NAALAD2: variants seen among roughly 807,000 people sequenced by gnomAD.
The protein encoded by NAALAD2 is N-acetylated-alpha-linked acidic dipeptidase 2.
NAALAD2 carries 89 observed loss-of-function variants against 95.6 expected under a neutral mutation model. That is an observed-to-expected ratio of 0.93 (90% CI 0.78 to 1.11). The LOEUF (loss-of-function observed/expected upper bound fraction) is 1.11, where lower values mean the gene tolerates loss of function less well. Ranked by LOEUF, NAALAD2 falls within the 50% of genes least tolerant of loss-of-function variation. The pLI, the probability that NAALAD2 is intolerant of heterozygous loss-of-function variation, is 0.00. For missense variants in NAALAD2, 894 were observed against 872.4 expected (o/e 1.02, Z -0.31); for synonymous variants, 264 against 294.4 (o/e 0.90, Z 1.06).
intron 16 of NAALAD2, 149 bp downstream of exon 16, chr11:90,178,266 C>A: frequency 1.2e-6 from 1 of 847,588 alleles, no homozygotes; most frequent in South Asian, 1.9e-5. Context: ...AAAACAAACA[C>A]CTATTAAAGA....
chr11:90,178,894 T>C (rs1004636087), intron 16 of NAALAD2, among the ~76,000 whole-genome samples: 1 of 152,230 alleles, frequency 6.6e-6, no homozygotes, highest in Non-Finnish European at 1.5e-5. Flanking sequence ...GTGGTTGCTC[T>C]TCTGCATTGT....
chr11:90,155,369 A>AT (rs1565522491), intron 6 of NAALAD2, among the ~76,000 whole-genome samples: 2,796 of 85,822 alleles, frequency 0.033, 42 homozygotes, highest in East Asian at 0.089. Context: ...TATAATATGT[A>AT]ATATTACATA....
intron 17 of NAALAD2, 30 bp from the exon 18 acceptor site, chr11:90,182,886 G>T (rs781136666): frequency 2.1e-6 from 3 of 1,454,362 alleles, no homozygotes; most frequent in African/African-American, 1.4e-5. Flanking sequence ...TGCGGTTTGC[G>T]TTATAATTAT....
chr11:90,162,065 C>T (rs927136305), intron 8 of NAALAD2, among the ~76,000 whole-genome samples: 3 of 151,990 alleles, frequency 2.0e-5, no homozygotes, highest in Non-Finnish European at 2.9e-5. Context: ...ATACAAGTTT[C>T]GGGGGCTTAT....
intron 3 of NAALAD2, 64 bp from the exon 4 acceptor site, chr11:90,148,942 A>T: frequency 1.9e-6 from 2 of 1,055,584 alleles, no homozygotes; most frequent in Non-Finnish European, 2.8e-6. Flanking sequence ...TTGGAGGCAA[A>T]ATGAATTATA....
At chr11:90,166,017 C>A (rs1952431663) in intron 11 of NAALAD2, among the ~76,000 whole-genome samples, 5 of 152,164 alleles carry the variant, frequency 3.3e-5, no homozygotes, top group Admixed American at 3.3e-4. Context: ...TTTAAATACA[C>A]ATAAGGAATC....
chr11:90,150,449 A>G, intron 4 of NAALAD2, 33 bp from the exon 5 acceptor site: 2 of 1,325,596 alleles, frequency 1.5e-6, no homozygotes, highest in South Asian at 1.6e-5. Flanking sequence ...CTTTAATTTT[A>G]GCAGTATTAT....
intron 16 of NAALAD2, among the ~76,000 whole-genome samples, chr11:90,179,956 T>C (rs968570753): frequency 1.3e-5 from 2 of 152,174 alleles, no homozygotes; most frequent in South Asian, 2.1e-4. Context: ...TTCAAAAACA[T>C]TTCTTCTGCC....
At chr11:90,148,229 C>A (rs562005231) in intron 3 of NAALAD2, among the ~76,000 whole-genome samples, 14 of 152,120 alleles carry the variant, frequency 9.2e-5, no homozygotes, top group African/African-American at 3.1e-4. Flanking sequence ...TGTCTTAAGA[C>A]AATAGTCCAG....
chr11:90,140,949 C>T (rs1242325219), intron 2 of NAALAD2, among the ~76,000 whole-genome samples: 1 of 152,122 alleles, frequency 6.6e-6, no homozygotes, highest in Non-Finnish European at 1.5e-5. Context: ...TGCTCTATCA[C>T]CATTTGTTAA....
intron 2 of NAALAD2, among the ~76,000 whole-genome samples, chr11:90,144,504 G>A (rs1369914486): frequency 1.3e-5 from 2 of 151,888 alleles, no homozygotes; most frequent in Admixed American, 6.6e-5. Context: ...ACTTTGGGAG[G>A]CCAAGGAGAG....
intron 6 of NAALAD2, among the ~76,000 whole-genome samples, chr11:90,155,283 TATGCATATATG>T (rs1187362305): frequency 1.8e-4 from 21 of 115,576 alleles, no homozygotes; most frequent in African/African-American, 6.6e-4. Context: ...ATATATTATA[TATGCATATATG>T]TATATATAAT....
chr11:90,185,911 G>C (rs573015043), intron 18 of NAALAD2, among the ~76,000 whole-genome samples: 9 of 147,076 alleles, frequency 6.1e-5, no homozygotes, highest in South Asian at 2.2e-4. Context: ...TCACAGAAAT[G>C]AGCAACTTGT....
chr11:90,138,725 CTTTTTTTTTTTTTTTTTTTTT>C (rs562496549), intron 2 of NAALAD2, among the ~76,000 whole-genome samples: 8 of 61,486 alleles, frequency 1.3e-4, no homozygotes, highest in African/African-American at 4.5e-4. Context: ...CATCCCTCAA[CTTTTTTTTTTTTTTTTTTTTT>C]TTTTTTTTTT....
rs202041024 is a variant in NAALAD2, at chr11:90,185,872, TTTA to T, written c.2033+2866_2033+2868del. On this transcript the variant is annotated intron_variant, in intron 18 of 18. Transcript: ENST00000534061. The stretch of plus-strand genomic sequence containing the variant: ...AAGGGTAAACACTTTTTTTTTTTTT[TTTA>T]TATACATTTAAAATTTTATTTGTTT... 5.1e-4 allele frequency among the ~76,000 whole-genome samples: 75 copies of T among 146,994 alleles called. 1 individual carries two copies. The highest frequency in any genetic ancestry group is 1.5e-3 in the East Asian group (7 of 4,774).
intron 5 of NAALAD2, among the ~76,000 whole-genome samples, chr11:90,151,219 A>G (rs1312178891): frequency 6.6e-6 from 1 of 152,124 alleles, no homozygotes; most frequent in Non-Finnish European, 1.5e-5. Flanking sequence ...AAGTTTCCTC[A>G]CATATAAAAT....
intron 8 of NAALAD2, among the ~76,000 whole-genome samples, chr11:90,160,860 A>C (rs1053103135): frequency 1.3e-5 from 2 of 152,216 alleles, no homozygotes; most frequent in Non-Finnish European, 2.9e-5. Context: ...AAAGTGGACA[A>C]ATAAACAACA....
At chr11:90,158,427 A>G in intron 7 of NAALAD2, 189 bp downstream of exon 7, 1 of 516,956 alleles carries the variant, frequency 1.9e-6, no homozygotes, top group Non-Finnish European at 3.4e-6. Flanking sequence ...CTAAGAAATC[A>G]AAATAAAATA....
At position 90,175,676 on chromosome 11, in the gene NAALAD2, A is replaced by G. The variant is rs571932469; in HGVS notation, c.1503-296A>G. On this transcript the variant is annotated intron_variant, in intron 14 of 18. Transcript: ENST00000534061. ...AAGATATGATGGAGAGCATCATCAC[A>G]AGATGCAGTCTTTGGTGGCACAGCC... 1.9e-4 allele frequency among the ~76,000 whole-genome samples: 29 copies of G among 152,264 alleles called. No individual in the cohort carries two copies. The East Asian group carries it at 5.0e-3, about 26-fold the overall frequency.
Sources: gnomAD v4.1 joint callset for allele counts (sites outside exome capture counted in the v4.1 genomes callset) on GRCh38, gnomAD v4.1.1 for gene constraint, MANE v1.5 for transcripts, NCBI Gene and HGNC (gene_info 2026-07-23, HGNC 2026-07-21) for gene names.